Variants in SLIT3 observed in about 807,000 individuals in gnomAD.
SLIT3 encodes the protein slit homolog 3 protein.
Under a neutral mutation model 184.0 loss-of-function variants are expected in SLIT3, and 68 were observed. The ratio of observed to expected loss-of-function variants is 0.37; its 90% CI spans 0.30 to 0.45. The LOEUF (loss-of-function observed/expected upper bound fraction) is 0.45. Among genes scored for constraint, SLIT3 ranks in the 20% least tolerant of loss-of-function variants. The pLI is 1.00. For synonymous variants in SLIT3, 831 were observed against 828.6 expected, an observed-to-expected ratio of 1.00 and a Z score of -0.05; for missense variants, 1,707 against 2,026.0, an observed-to-expected ratio of 0.84 and a Z score of 3.02.
chr5:168,754,311 A>T (rs1754822407), intron 16 of SLIT3, among the ~76,000 whole-genome samples: 1 of 152,210 alleles, frequency 6.6e-6, no homozygotes, highest in South Asian at 2.1e-4. Flanking sequence ...TTGGCCATAA[A>T]AAGAATGAAA....
At chr5:169,129,160 G>A (rs1350102982) in intron 4 of SLIT3, among the ~76,000 whole-genome samples, 1 of 152,162 alleles carries the variant, frequency 6.6e-6, no homozygotes, top group African/African-American at 2.4e-5. Flanking sequence ...TTGTTTCCCT[G>A]TGTTTTTGCA....
At chr5:168,867,572 T>G (rs531030933) in intron 5 of SLIT3, among the ~76,000 whole-genome samples, 1 of 152,344 alleles carries the variant, frequency 6.6e-6, no homozygotes, top group African/African-American at 2.4e-5. Context: ...CATACCCTGA[T>G]GTAGGCAGAG....
rs923450771 is a variant in SLIT3, at chr5:168,838,580, C to T, written c.557+6004G>A. Reference sequence around the variant, plus strand: ...AAGCTCAGCTGAAGTGGCCAACACACTGCGACTTGCATTAAACTCTGGGTT... The same window carrying T: ...AAGCTCAGCTGAAGTGGCCAACACATTGCGACTTGCATTAAACTCTGGGTT... On this transcript the variant is annotated intron_variant, in intron 6 of 35. Transcript: ENST00000519560. Among the ~76,000 whole-genome samples, 5 of 152,316 alleles carry T rather than the reference C, an allele frequency of 3.3e-5. No homozygotes were observed. In the East Asian group the frequency reaches 7.7e-4, roughly 23 times the overall value.
At chr5:168,814,699 C>A (rs1024530019) in intron 8 of SLIT3, among the ~76,000 whole-genome samples, 1 of 152,202 alleles carries the variant, frequency 6.6e-6, no homozygotes, top group African/African-American at 2.4e-5. Context: ...TTTTTGAAAA[C>A]GCATTAGGTT....
At chr5:168,930,008 C>G (rs1003405017) in intron 4 of SLIT3, among the ~76,000 whole-genome samples, 1 of 152,172 alleles carries the variant, frequency 6.6e-6, no homozygotes, top group Non-Finnish European at 1.5e-5. Context: ...AGTGAGCCCA[C>G]GGACTTGCAG....
chr5:168,775,566 G>A (rs1755716278), intron 12 of SLIT3, among the ~76,000 whole-genome samples: 1 of 152,102 alleles, frequency 6.6e-6, no homozygotes, highest in African/African-American at 2.4e-5. Flanking sequence ...ATCGCAATTT[G>A]TGATTATAGG....
intron 4 of SLIT3, among the ~76,000 whole-genome samples, chr5:169,176,105 A>G (rs1762975824): frequency 1.3e-5 from 2 of 152,342 alleles, no homozygotes; most frequent in South Asian, 2.1e-4. Context: ...CACCAAGCCC[A>G]CAGTGAGTGC....
intron 5 of SLIT3, among the ~76,000 whole-genome samples, chr5:168,871,633 AC>A (rs1284737789): frequency 6.6e-6 from 1 of 152,138 alleles, no homozygotes; most frequent in Non-Finnish European, 1.5e-5. Context: ...GAGCCAGGAA[AC>A]TATAAATATG....
chr5:169,154,251 T>G (rs1194980877), intron 4 of SLIT3, among the ~76,000 whole-genome samples: 1 of 152,214 alleles, frequency 6.6e-6, no homozygotes, highest in Non-Finnish European at 1.5e-5. Flanking sequence ...TGAGCCACCG[T>G]GCCTGGCCGA....
intron 3 of SLIT3, among the ~76,000 whole-genome samples, chr5:169,240,711 G>C (rs1032878436): frequency 6.7e-6 from 1 of 149,498 alleles, no homozygotes; most frequent in African/African-American, 2.5e-5. Context: ...GAGAATTAGT[G>C]CATTTACATA....
rs956860767 is a variant in SLIT3, at chr5:169,081,828, C to T, written c.413+111651G>A. Among the ~76,000 whole-genome samples, 10 of 152,288 alleles carry T rather than the reference C, an allele frequency of 6.6e-5. No individual in the cohort carries two copies. In the East Asian group the frequency reaches 7.7e-4, roughly 12 times the overall value. On this transcript the variant is annotated intron_variant, in intron 4 of 35. Coordinates refer to ENST00000519560, the MANE Select transcript of SLIT3 (RefSeq NM_003062.4). Reference sequence around the variant, plus strand: ...CCCTGTGCTTTGCTCTTACATACACCGTCTCACTTACTCTTCACAGCAACA... The same window carrying T: ...CCCTGTGCTTTGCTCTTACATACACTGTCTCACTTACTCTTCACAGCAACA...
intron 9 of SLIT3, among the ~76,000 whole-genome samples, chr5:168,798,835 C>T (rs994879822): frequency 6.6e-6 from 1 of 152,016 alleles, no homozygotes; most frequent in Admixed American, 6.6e-5. Context: ...TTAATAGTCA[C>T]ATTCTATGAG....
At chr5:169,235,906 TAA>T (rs1197957392) in intron 3 of SLIT3, among the ~76,000 whole-genome samples, 1 of 152,184 alleles carries the variant, frequency 6.6e-6, no homozygotes, top group African/African-American at 2.4e-5. Context: ...ATCACACGGC[TAA>T]GGTGGTGTGT....
At chr5:168,885,849 G>C (rs747592882) in intron 4 of SLIT3, among the ~76,000 whole-genome samples, 1 of 152,154 alleles carries the variant, frequency 6.6e-6, no homozygotes, top group Admixed American at 6.5e-5. Flanking sequence ...AGTAGCAGTC[G>C]TACAAAGGTT....
chr5:168,962,229 G>A (rs1484375204), intron 4 of SLIT3, among the ~76,000 whole-genome samples: 1 of 151,884 alleles, frequency 6.6e-6, no homozygotes, highest in Admixed American at 6.6e-5. Context: ...TCCAGATGTG[G>A]AGAGCACAAG....
intron 2 of SLIT3, among the ~76,000 whole-genome samples, chr5:169,245,654 G>T (rs1349862502): frequency 6.6e-6 from 1 of 152,196 alleles, no homozygotes; most frequent in Non-Finnish European, 1.5e-5. Context: ...TGGAGTTTCG[G>T]AAGGGCTATG....
intron 3 of SLIT3, among the ~76,000 whole-genome samples, chr5:169,199,654 A>G (rs1417536824): frequency 6.6e-6 from 1 of 152,168 alleles, no homozygotes; most frequent in East Asian, 1.9e-4. Context: ...TTTAGGAAAT[A>G]CTGGCCTAAG....
chr5:168,696,399 C>G lies in SLIT3; in HGVS notation c.2975G>C (p.Arg992Pro). 6.2e-7 allele frequency: 1 copy of G among 1,614,114 alleles called. No homozygotes were observed. Among genetic ancestry groups the G allele is most frequent in the Admixed American group, 1.7e-5 (1 of 60,024 alleles). The change falls in exon 28 of 36, where the codon CGG becomes CCG. Residue 992 changes from arginine (R) to proline (P), a missense_variant. This residue lies in a region of SLIT3 where 1,307 missense variants were observed against 1,511.6 expected (regional missense o/e 0.86). Coordinates refer to ENST00000519560, the MANE Select transcript of SLIT3 (RefSeq NM_003062.4). ...ACAGTCATCTGGGTTGATCTCACAC[C>G]GCTGCCCCTCAAAGCCCAGAGGGCA... ...CSCPLGFEGQ[R>P]CEINPDDCED...
chr5:169,260,310 T>C (rs1766117806), intron 1 of SLIT3, among the ~76,000 whole-genome samples: 1 of 152,136 alleles, frequency 6.6e-6, no homozygotes, highest in African/African-American at 2.4e-5. Context: ...AAGGAAGCAG[T>C]GGCCTCAGTT....
Sources: gnomAD v4.1 joint callset for allele counts (sites outside exome capture counted in the v4.1 genomes callset) on GRCh38, gnomAD v4.1.1 for gene constraint, gnomAD v4.1.1 regional missense constraint, MANE v1.5 for transcripts, NCBI Gene and HGNC (gene_info 2026-07-23, HGNC 2026-07-21) for gene names.